Variants in RAPGEF6 observed in about 807,000 individuals in gnomAD.
The protein encoded by RAPGEF6 is PDZ domain containing guanine nucleotide exchange factor (GEF) 2.
A neutral mutation model predicts 171.4 loss-of-function variants in RAPGEF6; 56 were observed. The observed-to-expected ratio is 0.33, with a 90% CI of 0.26 to 0.41. RAPGEF6 has a LOEUF of 0.41. RAPGEF6 is among the 10% of genes least tolerant of loss of function. The probability of loss-of-function intolerance (pLI) is 1.00; values close to 1 mark genes in which losing one functional copy is unlikely to be tolerated. For missense variants in RAPGEF6, 1,674 were observed against 1,921.4 expected, an observed-to-expected ratio of 0.87 and a Z score of 2.41; for synonymous variants, 692 against 650.1, an observed-to-expected ratio of 1.06 and a Z score of -0.98.
chr5:131,585,301 C>T (rs1001646827), intron 4 of RAPGEF6, among the ~76,000 whole-genome samples: 1 of 143,590 alleles, frequency 7.0e-6, no homozygotes, highest in African/African-American at 2.8e-5. Flanking sequence ...TACATACATA[C>T]ATACATACAT....
chr5:131,548,153 T>C lies in RAPGEF6; in HGVS notation c.389A>G (p.Gln130Arg). The C allele has an allele frequency of 6.2e-7, 1 of 1,614,032 alleles. No homozygotes were observed. Among genetic ancestry groups the C allele is most frequent in the Non-Finnish European group, 8.5e-7 (1 of 1,179,952 alleles). ...NAKDNEDSIL[Q>R]REIPARQSRR... ...GGATTGTCTGGCAGGAATTTCTCTT[T>C]GTAGAATACTATCTTCATTATCTTT... The change falls in exon 6 of 28, where the codon CAA becomes CGA. Residue 130 changes from glutamine to arginine, a missense_variant. Coordinates refer to ENST00000509018, the MANE Select transcript of RAPGEF6 (RefSeq NM_016340.6).
chr5:131,565,816 A>G (rs1308235735), intron 4 of RAPGEF6, among the ~76,000 whole-genome samples: 9 of 152,168 alleles, frequency 5.9e-5, no homozygotes, highest in Non-Finnish European at 1.2e-4. Flanking sequence ...TGGGGGATGG[A>G]GCTCTTAATA....
At chr5:131,618,282 T>C (rs1264440573) in intron 1 of RAPGEF6, among the ~76,000 whole-genome samples, 1 of 152,046 alleles carries the variant, frequency 6.6e-6, no homozygotes, top group Non-Finnish European at 1.5e-5. Flanking sequence ...GAAAGGAAGG[T>C]GAGGAAAGCT....
Position 131,472,651 on chromosome 5 carries a change from G to C in RAPGEF6, c.2175C>G (p.Leu725=), listed in dbSNP as rs75485863. 2.2e-4 allele frequency: 361 copies of C among 1,613,914 alleles called. 1 individual carries two copies. In the African/African-American group the frequency reaches 4.5e-3, roughly 20 times the overall value. Residue 725 remains leucine (L), a synonymous_variant, in exon 17 of 28, where the codon CTC becomes CTG. Coordinates refer to ENST00000509018, the MANE Select transcript of RAPGEF6 (RefSeq NM_016340.6). The part of the protein sequence containing the change: ...SLAIMPIPGT[L]SSSSPDLLQP... Reference sequence around the variant, plus strand: ...GCAGGAGATCAGGGCTGCTGGATGAGAGTGTTCCAGGGATGGGCATTATAG... The same window carrying C: ...GCAGGAGATCAGGGCTGCTGGATGACAGTGTTCCAGGGATGGGCATTATAG...
At position 131,426,154 on chromosome 5, in the gene RAPGEF6, C is replaced by G. The variant is rs1189377363; in HGVS notation, c.*1112G>C. 6.6e-6 allele frequency: 1 copy of G among 152,190 alleles called. No homozygotes were observed. The allele number at this position is 152,190 out of a possible 1,614,324, so 9.4% of individuals were successfully genotyped here. ...TTCTGTAACTCCAGCTCCTCTTTCT[C>G]CCACAAAATGTTACTGCAGCCAGCT... On this transcript the variant is annotated 3_prime_UTR_variant, in exon 28 of 28. Transcript: ENST00000509018.
intron 7 of RAPGEF6, 100 bp from the exon 8 acceptor site, chr5:131,510,591 G>C (rs1198958123): frequency 2.7e-6 from 3 of 1,124,318 alleles, no homozygotes; most frequent in Non-Finnish European, 3.8e-6. Context: ...AAATATAAAA[G>C]ACTTGGGCAA....
chr5:131,481,585 T>C (rs976763501), intron 15 of RAPGEF6, among the ~76,000 whole-genome samples: 3 of 152,188 alleles, frequency 2.0e-5, no homozygotes, highest in African/African-American at 7.2e-5. Flanking sequence ...TCATCCTTAA[T>C]GAGGGTGCAG....
rs1039151211 is a variant in RAPGEF6, at chr5:131,472,717, A to G, written c.2109T>C (p.Asp703=). Residue 703 remains aspartate (D), a synonymous_variant, in exon 17 of 28, where the codon GAT becomes GAC. Transcript: ENST00000509018. Reference sequence around the variant, plus strand: ...AGTGCCTTGTTCCCACAATGCTGTCATCTTGTGATTGGCTTAGGCCTCCAT... The same window carrying G: ...AGTGCCTTGTTCCCACAATGCTGTCGTCTTGTGATTGGCTTAGGCCTCCAT... ...FSDGGLSQSQ[D]DSIVGTRHCR... The G allele has an allele frequency of 1.2e-6, 2 of 1,612,238 alleles. No individual in the cohort carries two copies. Among genetic ancestry groups the G allele is most frequent in the Admixed American group, 1.7e-5 (1 of 59,994 alleles).
intron 1 of RAPGEF6, among the ~76,000 whole-genome samples, chr5:131,617,292 C>CCA (rs200602681): frequency 1.6e-4 from 14 of 89,496 alleles, no homozygotes; most frequent in Admixed American, 4.9e-4. Flanking sequence ...AAAAACAGCA[C>CCA]CACACACACA....
rs866880950 is a variant in RAPGEF6 at position 131,528,346 on chromosome 5, C to T, written c.496-6825G>A. On this transcript the variant is annotated intron_variant, in intron 6 of 27. Coordinates refer to ENST00000509018, the MANE Select transcript of RAPGEF6 (RefSeq NM_016340.6). Reference sequence around the variant, plus strand: ...ATATATATATATATATATACACACACACACACATATATATATATGGCAGTA... The same window carrying T: ...ATATATATATATATATATACACACATACACACATATATATATATGGCAGTA... Among the ~76,000 whole-genome samples the T allele has an allele frequency of 4.7e-3, 290 of 61,360 alleles. 15 individuals carry two copies. Among genetic ancestry groups the T allele is most frequent in the African/African-American group, 0.015 (267 of 17,442 alleles). The allele number at this position is 61,360 out of a possible 152,430, so 40.3% of individuals were successfully genotyped here.
intron 4 of RAPGEF6, among the ~76,000 whole-genome samples, chr5:131,569,611 G>T (rs1762153537): frequency 6.6e-6 from 1 of 152,094 alleles, no homozygotes; most frequent in African/African-American, 2.4e-5. Flanking sequence ...AAAACTTTTA[G>T]AAAAAACTGT....
At chr5:131,536,120 TAA>T (rs1205253359) in intron 6 of RAPGEF6, among the ~76,000 whole-genome samples, 1 of 152,152 alleles carries the variant, frequency 6.6e-6, no homozygotes, top group East Asian at 1.9e-4. Flanking sequence ...TTTTACAAAA[TAA>T]AGAGGATATT....
chr5:131,632,075 C>CA (rs529399752), intron 1 of RAPGEF6, among the ~76,000 whole-genome samples: 13,298 of 62,948 alleles, frequency 0.21, 1,206 homozygotes, highest in East Asian at 0.4. Context: ...GACTCTGTCT[C>CA]AAAAAAAAAA....
intron 22 of RAPGEF6, 30 bp downstream of exon 22, chr5:131,446,453 A>G (rs1752695443): frequency 6.4e-7 from 1 of 1,568,926 alleles, no homozygotes; most frequent in East Asian, 2.2e-5. Context: ...TGTGCTCTTT[A>G]GCGTCACATA....
At position 131,455,847 on chromosome 5, in the gene RAPGEF6, AATAATTGG is replaced by A; in HGVS notation, c.3022_3029del (p.Pro1008SerfsTer15). 6.2e-7 allele frequency: 1 copy of A among 1,613,846 alleles called. No individual in the cohort carries two copies. The highest frequency in any genetic ancestry group is 8.5e-7 in the Non-Finnish European group (1 of 1,179,772). On this transcript the variant is annotated frameshift_variant, in exon 20 of 28. Transcript: ENST00000509018. LOFTEE classifies it high-confidence loss of function. ...CTTTCTTGACAACAGGGAAGAGTGG[AATAATTGG>A]AGGCTGCATACTTTGACTACTAAGA...
chr5:131,560,043 T>G (rs1039221676), intron 5 of RAPGEF6, among the ~76,000 whole-genome samples: 1 of 152,114 alleles, frequency 6.6e-6, no homozygotes, highest in South Asian at 2.1e-4. Flanking sequence ...ATTTCACCTA[T>G]TTTGGATTGT....
chr5:131,439,487 G>T (rs938447963), intron 24 of RAPGEF6, 94 bp downstream of exon 24: 11 of 1,457,358 alleles, frequency 7.5e-6, no homozygotes, highest in Non-Finnish European at 1.0e-5. Context: ...TTTTCTTAAT[G>T]ATTTATAATT....
At chr5:131,573,087 G>T (rs1012930043) in intron 4 of RAPGEF6, among the ~76,000 whole-genome samples, 4 of 151,948 alleles carry the variant, frequency 2.6e-5, no homozygotes, top group Non-Finnish European at 4.4e-5. Context: ...CAAGCTCAGA[G>T]TCCTCTGAAT....
At chr5:131,469,803 TA>T in intron 17 of RAPGEF6, 1 of 1,519,198 alleles carries the variant, frequency 6.6e-7, no homozygotes, top group Non-Finnish European at 8.8e-7. Flanking sequence ...ATACTTACAA[TA>T]AAAACCAACA....
Sources: allele counts gnomAD v4.1 joint callset (sites outside exome capture counted in the v4.1 genomes callset), GRCh38; gene constraint gnomAD v4.1.1; transcripts MANE v1.5; gene names NCBI Gene and HGNC (gene_info 2026-07-23, HGNC 2026-07-21).